The following STX8 variants were observed in gnomAD, a reference collection of about 807,000 sequenced individuals.
STX8 encodes syntaxin-8.
STX8 carries 23 observed loss-of-function variants against 37.5 expected under a neutral mutation model. The ratio of observed to expected loss-of-function variants is 0.61; its 90% CI spans 0.44 to 0.87. The LOEUF (loss-of-function observed/expected upper bound fraction) is 0.87. Among genes scored for constraint, STX8 ranks in the 40% least tolerant of loss-of-function variants. The pLI is 0.00. For synonymous variants in STX8, 115 were observed against 99.1 expected (o/e 1.16, Z -0.95); for missense variants, 313 against 284.7 (o/e 1.10, Z -0.71).
intron 6 of STX8, among the ~76,000 whole-genome samples, chr17:9,435,895 A>C (rs1904412919): frequency 6.6e-6 from 1 of 152,212 alleles, no homozygotes; most frequent in Non-Finnish European, 1.5e-5. Context: ...TCAATTTAAA[A>C]AATTTTAAAA....
intron 6 of STX8, among the ~76,000 whole-genome samples, chr17:9,407,219 G>A (rs1326945033): frequency 6.6e-6 from 1 of 152,120 alleles, no homozygotes; most frequent in Non-Finnish European, 1.5e-5. Flanking sequence ...ATAGAGACGG[G>A]GTCTTGCTAT....
intron 7 of STX8, among the ~76,000 whole-genome samples, chr17:9,253,286 T>G (rs965212227): frequency 6.6e-6 from 1 of 150,616 alleles, no homozygotes; most frequent in Non-Finnish European, 1.5e-5. Flanking sequence ...GGGATACGGG[T>G]GTGTGTGTGT....
intron 7 of STX8, among the ~76,000 whole-genome samples, chr17:9,293,854 C>T (rs1307541185): frequency 4.0e-5 from 6 of 151,880 alleles, no homozygotes; most frequent in African/African-American, 7.3e-5. Flanking sequence ...CTCCGCCTCC[C>T]GGGTTCACGC....
chr17:9,428,295 C>T (rs1913712632), intron 6 of STX8, among the ~76,000 whole-genome samples: 2 of 152,322 alleles, frequency 1.3e-5, no homozygotes, highest in African/African-American at 2.4e-5. Flanking sequence ...GCCTGGTGGG[C>T]AGTGGCGCGA....
chr17:9,269,970 T>C (rs1907390508), intron 7 of STX8, among the ~76,000 whole-genome samples: 1 of 152,196 alleles, frequency 6.6e-6, no homozygotes, highest in Non-Finnish European at 1.5e-5. Context: ...ACTAAACACA[T>C]GCGGTACAGA....
chr17:9,399,082 C>A (rs998712119), intron 6 of STX8, among the ~76,000 whole-genome samples: 1 of 149,544 alleles, frequency 6.7e-6, no homozygotes, highest in Admixed American at 6.7e-5. Context: ...GTAATCAAGA[C>A]AGTACAGTAT....
At chr17:9,559,734 TTATATATATA>T (rs1009971082) in intron 2 of STX8, among the ~76,000 whole-genome samples, 26 of 48,754 alleles carry the variant, frequency 5.3e-4, no homozygotes, top group African/African-American at 1.8e-3. Context: ...TATTATTATT[TTATATATATA>T]TATATATATA....
chr17:9,464,142 C>T (rs1243597810), intron 6 of STX8, among the ~76,000 whole-genome samples: 1 of 152,134 alleles, frequency 6.6e-6, no homozygotes, highest in Non-Finnish European at 1.5e-5. Context: ...GAGACAATTA[C>T]CATATATGCT....
intron 4 of STX8, among the ~76,000 whole-genome samples, chr17:9,524,409 A>G (rs1178824247): frequency 6.6e-6 from 1 of 152,042 alleles, no homozygotes; most frequent in African/African-American, 2.4e-5. Context: ...TGCCTTCTAC[A>G]TGTTCTCATA....
At chr17:9,553,059 G>T (rs1214012053) in intron 3 of STX8, 1 of 152,178 alleles carries the variant, frequency 6.6e-6, no homozygotes, top group East Asian at 1.9e-4. Flanking sequence ...TAAAGGTGCT[G>T]CCTCCTGTGA....
intron 6 of STX8, among the ~76,000 whole-genome samples, chr17:9,459,182 A>G (rs540799456): frequency 2.0e-5 from 3 of 152,322 alleles, no homozygotes; most frequent in African/African-American, 7.2e-5. Flanking sequence ...AGCCATTAAC[A>G]AGACATAGAG....
intron 7 of STX8, among the ~76,000 whole-genome samples, chr17:9,342,146 G>C (rs544842216): frequency 8.5e-5 from 13 of 152,228 alleles, no homozygotes; most frequent in African/African-American, 2.6e-4. Context: ...TACATCCCTC[G>C]GATGTGCAGT....
At chr17:9,375,896 T>C (rs1341151494) in intron 7 of STX8, among the ~76,000 whole-genome samples, 3 of 152,068 alleles carry the variant, frequency 2.0e-5, no homozygotes, top group Non-Finnish European at 4.4e-5. Flanking sequence ...CTAGAGAGAG[T>C]TCGTGAAGCT....
chr17:9,574,451 C>A lies in STX8; in HGVS notation c.17+1341G>T, dbSNP rs910124485. On this transcript the variant is annotated intron_variant, in intron 1 of 7. Transcript: ENST00000306357. ...TAGAGTTAAAGATGCTATTTATTTT[C>A]CTTTTTGCAAATTTTCAATATTCTC... 2.6e-5 allele frequency among the ~76,000 whole-genome samples: 4 copies of A among 151,908 alleles called. No individual in the cohort carries two copies. In the East Asian group the frequency reaches 7.7e-4, roughly 29 times the overall value.
intron 4 of STX8, among the ~76,000 whole-genome samples, chr17:9,535,463 T>C (rs993717324): frequency 6.6e-5 from 8 of 121,514 alleles, no homozygotes; most frequent in Middle Eastern, 4.4e-3. Flanking sequence ...GACGGAGTCT[T>C]GCTCTGTCAC....
chr17:9,562,955 T>A (rs1267458940), intron 2 of STX8, among the ~76,000 whole-genome samples: 2 of 152,130 alleles, frequency 1.3e-5, no homozygotes, highest in Non-Finnish European at 2.9e-5. Flanking sequence ...GCGGTGTTAT[T>A]CACAACTCAA....
chr17:9,369,565 A>G (rs1250567904), intron 7 of STX8, among the ~76,000 whole-genome samples: 2 of 152,056 alleles, frequency 1.3e-5, no homozygotes, highest in African/African-American at 2.4e-5. Flanking sequence ...TTTCTTACCT[A>G]TGTTTTATAA....
chr17:9,338,121 T>C (rs1910199511), intron 7 of STX8, among the ~76,000 whole-genome samples: 1 of 149,840 alleles, frequency 6.7e-6, no homozygotes. Flanking sequence ...TGGTGTGATC[T>C]TGGCTCATTG....
At chr17:9,562,130 G>A (rs911753359) in intron 2 of STX8, among the ~76,000 whole-genome samples, 12 of 151,304 alleles carry the variant, frequency 7.9e-5, no homozygotes, top group African/African-American at 1.9e-4. Context: ...TCGGCCGGGC[G>A]CAGTGGCTCA....
Sources: gnomAD v4.1 joint callset for allele counts (sites outside exome capture counted in the v4.1 genomes callset) on GRCh38, gnomAD v4.1.1 for gene constraint, MANE v1.5 for transcripts, NCBI Gene and HGNC (gene_info 2026-07-23, HGNC 2026-07-21) for gene names.